The following GNG2 variants were observed in gnomAD, a reference collection of about 807,000 sequenced individuals.
The protein encoded by GNG2 is guanine nucleotide-binding protein G(I)/G(S)/G(O) subunit gamma-2.
Under a neutral mutation model 5.5 loss-of-function variants are expected in GNG2, and 5 were observed. The observed-to-expected ratio is 0.91, with a 90% CI of 0.48 to 1.92. The LOEUF (loss-of-function observed/expected upper bound fraction) is 1.92. Among genes scored for constraint, GNG2 ranks in the 30% most tolerant of loss-of-function variants. The pLI, the probability that GNG2 is intolerant of heterozygous loss-of-function variation, is 0.01. For missense variants in GNG2, 55 were observed against 88.4 expected, an observed-to-expected ratio of 0.62 and a Z score of 1.52; for synonymous variants, 28 against 32.0, an observed-to-expected ratio of 0.88 and a Z score of 0.42.
At chr14:51,896,162 G>T (rs1277860837) in intron 2 of GNG2, among the ~76,000 whole-genome samples, 1 of 152,178 alleles carries the variant, frequency 6.6e-6, no homozygotes, top group Non-Finnish European at 1.5e-5. Context: ...GTCAAGATGG[G>T]ATACTAAAAA....
intron 2 of GNG2, among the ~76,000 whole-genome samples, chr14:51,892,618 T>G (rs781656769): frequency 6.6e-6 from 1 of 152,208 alleles, no homozygotes; most frequent in Non-Finnish European, 1.5e-5. Context: ...ATTTTCTTTA[T>G]CAGGTATTTT....
chr14:51,855,284 G>A (rs757584108), intron 2 of GNG2, among the ~76,000 whole-genome samples: 9 of 152,104 alleles, frequency 5.9e-5, no homozygotes, highest in Non-Finnish European at 7.3e-5. Context: ...ACTAGCTTTC[G>A]TGCTGGGCCG....
intron 2 of GNG2, among the ~76,000 whole-genome samples, chr14:51,903,029 C>T (rs575967252): frequency 2.9e-4 from 44 of 152,332 alleles, no homozygotes; most frequent in Middle Eastern, 3.4e-3. Flanking sequence ...GGGATACTTA[C>T]TTTCTTCAAC....
chr14:51,966,896 G>A lies in GNG2; in HGVS notation c.*209G>A, dbSNP rs1160666801. 29 of 369,154 alleles carry A rather than the reference G, an allele frequency of 7.9e-5. No homozygotes were observed. The East Asian group carries it at 1.2e-3, about 16-fold the overall frequency. The allele number at this position is 369,154 out of a possible 1,614,324, so 22.9% of individuals were successfully genotyped here. On this transcript the variant is annotated 3_prime_UTR_variant, in exon 4 of 4. Transcript: ENST00000556766. ...CTGACTTAAGAGATCTGATTCTGAC[G>A]AACTGCCTGGAGGAGGGGAATATAT...
chr14:51,951,450 G>A (rs1888971282), intron 3 of GNG2, among the ~76,000 whole-genome samples: 2 of 152,148 alleles, frequency 1.3e-5, no homozygotes, highest in South Asian at 2.1e-4. Context: ...ATATGCTGTC[G>A]TTATTAATAG....
intron 2 of GNG2, among the ~76,000 whole-genome samples, chr14:51,918,031 AC>A (rs1440355081): frequency 7.1e-6 from 1 of 140,664 alleles, no homozygotes; most frequent in Non-Finnish European, 1.5e-5. Context: ...ATCTCAAAAA[AC>A]AAACCAAAAA....
chr14:51,966,760 C>G lies in GNG2; in HGVS notation c.*73C>G. The G allele has an allele frequency of 1.6e-6, 2 of 1,280,392 alleles. No homozygotes were observed. The highest frequency in any genetic ancestry group is 2.3e-6 in the Non-Finnish European group (2 of 879,384). The allele number at this position is 1,280,392 out of a possible 1,614,324, so 79.3% of individuals were successfully genotyped here. A position where few individuals can be genotyped will look rare whatever the true frequency, so the allele number is the denominator to read the frequency against. ...GTAGAGTTTTTAGTGAAGTGGGCAC[C>G]TTTCTAGTCCACGGCATTTGAAGAG... is the stretch of plus-strand genomic sequence containing the variant. On this transcript the variant is annotated 3_prime_UTR_variant, in exon 4 of 4. Transcript: ENST00000556766.
intron 3 of GNG2, among the ~76,000 whole-genome samples, chr14:51,966,267 T>C (rs1462455928): frequency 1.4e-5 from 2 of 138,658 alleles, no homozygotes; most frequent in South Asian, 2.3e-4. Flanking sequence ...CCTGCGGGGC[T>C]ATGGAAGTGC....
chr14:51,947,792 A>T (rs1330506355), intron 2 of GNG2, among the ~76,000 whole-genome samples: 2 of 152,264 alleles, frequency 1.3e-5, no homozygotes, highest in African/African-American at 4.8e-5. Context: ...ATGAAAAGGC[A>T]TTGAGACACA....
At chr14:51,909,335 G>A (rs1428100464) in intron 2 of GNG2, among the ~76,000 whole-genome samples, 1 of 152,110 alleles carries the variant, frequency 6.6e-6, no homozygotes, top group African/African-American at 2.4e-5. Flanking sequence ...ATCTTCAGAA[G>A]GTGAATTTTC....
intron 2 of GNG2, among the ~76,000 whole-genome samples, chr14:51,881,982 C>A (rs1349951372): frequency 1.3e-5 from 2 of 152,086 alleles, no homozygotes; most frequent in African/African-American, 4.8e-5. Flanking sequence ...CTCATTTCAG[C>A]TTCAAATCTT....
intron 3 of GNG2, among the ~76,000 whole-genome samples, chr14:51,957,185 T>C (rs1889325028): frequency 6.6e-6 from 1 of 152,166 alleles, no homozygotes. Context: ...AGAAACCTCC[T>C]CCAGCAGTTT....
At chr14:51,827,122 G>A (rs1010783736) in intron 1 of GNG2, among the ~76,000 whole-genome samples, 2 of 152,106 alleles carry the variant, frequency 1.3e-5, no homozygotes, top group African/African-American at 2.4e-5. Context: ...GAATAATCTG[G>A]GGATCTTTTA....
chr14:51,928,028 T>G (rs8004847), intron 2 of GNG2, among the ~76,000 whole-genome samples: 2 of 31,172 alleles, frequency 6.4e-5, no homozygotes, highest in South Asian at 2.0e-3. Flanking sequence ...CTCTCTCTCT[T>G]TTTTTTTTTT....
At chr14:51,961,297 T>A (rs1203488240) in intron 3 of GNG2, among the ~76,000 whole-genome samples, 2 of 152,218 alleles carry the variant, frequency 1.3e-5, no homozygotes, top group African/African-American at 4.8e-5. Context: ...CATCTTTGTA[T>A]ATTTTGTTCC....
intron 2 of GNG2, among the ~76,000 whole-genome samples, chr14:51,848,088 T>C (rs1303108935): frequency 6.6e-6 from 1 of 151,916 alleles, no homozygotes; most frequent in East Asian, 1.9e-4. Context: ...ACCATTCACT[T>C]TGGAGTCTTC....
At chr14:51,828,175 C>T (rs1881079698) in intron 2 of GNG2, among the ~76,000 whole-genome samples, 1 of 152,164 alleles carries the variant, frequency 6.6e-6, no homozygotes, top group African/African-American at 2.4e-5. Context: ...TGGTGAAAGC[C>T]ACAGTCTCCG....
At chr14:51,882,012 A>G (rs1884112437) in intron 2 of GNG2, among the ~76,000 whole-genome samples, 1 of 152,166 alleles carries the variant, frequency 6.6e-6, no homozygotes, top group Non-Finnish European at 1.5e-5. Flanking sequence ...TTGTGAATCA[A>G]CAAGTTGCAG....
rs143834863 is a variant in GNG2 at position 51,881,037 on chromosome 14, C to T, written c.-30+3380C>T. ...CAGCAGCCACGTTTATAGTCACAAG[C>T]CCTAGCTGCCCTTTCAGTTCTCCTG... On this transcript the variant is annotated intron_variant, in intron 2 of 3. Transcript: ENST00000556766. 1.2e-3 allele frequency among the ~76,000 whole-genome samples: 174 copies of T among 149,236 alleles called. No individual in the cohort carries two copies. The Middle Eastern group carries it at 0.014, about 12-fold the overall frequency.
Sources: allele counts gnomAD v4.1 joint callset (sites outside exome capture counted in the v4.1 genomes callset), GRCh38; gene constraint gnomAD v4.1.1; transcripts MANE v1.5; gene names NCBI Gene and HGNC (gene_info 2026-07-23, HGNC 2026-07-21).